BACH1: variants seen among roughly 807,000 people sequenced by gnomAD.
BACH1 encodes transcription regulator protein BACH1.
In BACH1, 35 loss-of-function variants were observed where a neutral mutation model predicts 52.9. The observed-to-expected ratio is 0.66, with a 90% CI of 0.51 to 0.88. The LOEUF is 0.88. Ranked by LOEUF, BACH1 falls within the 40% of genes least tolerant of loss-of-function variation. The pLI, the probability that BACH1 is intolerant of heterozygous loss-of-function variation, is 0.00. For missense variants in BACH1, 808 were observed against 872.6 expected (o/e 0.93, Z 0.93); for synonymous variants, 321 against 319.6 (o/e 1.00, Z -0.05).
rs2088993188 is a variant in BACH1 at position 29,332,255 on chromosome 21, G to C, written c.1776+2562G>C. Among the ~76,000 whole-genome samples the C allele has an allele frequency of 2.6e-5, 4 of 152,176 alleles. No homozygotes were observed. In the South Asian group the frequency reaches 6.2e-4, roughly 24 times the overall value. Reference sequence around the variant, plus strand: ...GGTCTCCATTTTCCCTTTCTTAATTGACCTTCTTCCTAATGTCTCTGCCTA... The same window carrying C: ...GGTCTCCATTTTCCCTTTCTTAATTCACCTTCTTCCTAATGTCTCTGCCTA... On this transcript the variant is annotated intron_variant, in intron 4 of 4. Transcript: ENST00000286800.
chr21:29,319,417 G>A (rs2088823694), intron 1 of BACH1, among the ~76,000 whole-genome samples: 2 of 151,912 alleles, frequency 1.3e-5, no homozygotes, highest in African/African-American at 4.8e-5. Context: ...TAGGAGGACT[G>A]TTTTTTCTGA....
At chr21:29,338,436 C>T (rs2089071030) in intron 4 of BACH1, among the ~76,000 whole-genome samples, 1 of 152,138 alleles carries the variant, frequency 6.6e-6, no homozygotes, top group African/African-American at 2.4e-5. Flanking sequence ...TGCAGTGGCA[C>T]AGTCATGACT....
chr21:29,323,449 C>T (rs191405967), intron 2 of BACH1, among the ~76,000 whole-genome samples: 9 of 152,280 alleles, frequency 5.9e-5, no homozygotes, highest in African/African-American at 1.4e-4. Flanking sequence ...AAGAACCTGG[C>T]GTCTGATGTC....
downstream of BACH1, among the ~76,000 whole-genome samples, chr21:29,349,785 C>T (rs1449814070): frequency 6.6e-6 from 1 of 152,136 alleles, no homozygotes; most frequent in Admixed American, 6.5e-5. Context: ...CAGCTGCTGT[C>T]TTGGCTGGGG....
chr21:29,336,046 A>G (rs1018363007), intron 4 of BACH1, among the ~76,000 whole-genome samples: 5 of 152,320 alleles, frequency 3.3e-5, no homozygotes, highest in South Asian at 2.1e-4. Flanking sequence ...TTTTTATTCA[A>G]ATTACTCTGA....
chr21:29,326,803 C>T lies in BACH1; in HGVS notation c.979C>T (p.His327Tyr), dbSNP rs1410365995. ...TGGACTTTATTCTTTGTCTCTTTTACACACATATGACCAATATGGTGACTT... is the reference window on the plus strand; with the variant it reads ...TGGACTTTATTCTTTGTCTCTTTTATACACATATGACCAATATGGTGACTT... ...PHGLYSLSLL[H>Y]TYDQYGDLNF... Residue 327 changes from histidine to tyrosine, a missense_variant, in exon 3 of 5, where the codon CAC becomes TAC. Transcript: ENST00000286800. 6.2e-7 allele frequency: 1 copy of T among 1,614,034 alleles called. No homozygotes were observed. The highest frequency in any genetic ancestry group is 2.2e-5 in the East Asian group (1 of 44,904).
At chr21:29,348,951 G>A (rs574015810), downstream of BACH1, among the ~76,000 whole-genome samples, 142 of 152,080 alleles carry the variant, frequency 9.3e-4, no homozygotes, top group African/African-American at 3.2e-3. Context: ...AAAATTAGCC[G>A]GGCGTGGTGG....
chr21:29,358,803 AAAGAAAGAAAG>A (rs1466295345), intron 2 of BACH1, among the ~76,000 whole-genome samples: 7 of 132,096 alleles, frequency 5.3e-5, no homozygotes, highest in African/African-American at 1.5e-4. Flanking sequence ...AGAAAGAAAG[AAAGAAAGAAAG>A]AAGAAAGAAA....
intron 4 of BACH1, among the ~76,000 whole-genome samples, chr21:29,332,813 G>T (rs543417974): frequency 6.6e-6 from 1 of 152,292 alleles, no homozygotes; most frequent in South Asian, 2.1e-4. Flanking sequence ...ATTCACTCAG[G>T]TATCCTCTTC....
At position 29,326,745 on chromosome 21, in the gene BACH1, T is replaced by A. The variant is rs1601355466; in HGVS notation, c.921T>A (p.Thr307=). Residue 307 remains threonine (T), a synonymous_variant, in exon 3 of 5, where the codon ACT becomes ACA. Transcript: ENST00000286800. ...GCCCAACTGAAAAATCAGAAGTGAC[T>A]CCTTTCCCCCACAATTCTTCCATAG... ...SQCPTEKSEV[T]PFPHNSSIDP... 6.2e-7 allele frequency: 1 copy of A among 1,614,040 alleles called. No individual in the cohort carries two copies. Among genetic ancestry groups the A allele is most frequent in the East Asian group, 2.2e-5 (1 of 44,890 alleles).
Position 29,321,298 on chromosome 21 carries a change from C to T in BACH1, c.18C>T (p.Asn6=). Residue 6 remains asparagine, a synonymous_variant, in exon 2 of 5, where the codon AAC becomes AAT. Coordinates refer to ENST00000286800, the MANE Select transcript of BACH1 (RefSeq NM_001186.4). ...TATGCAGAATGTCTCTGAGTGAGAA[C>T]TCGGTTTTTGCCTATGAATCTTCTG... is the stretch of plus-strand genomic sequence containing the variant. MSLSE[N]SVFAYESSVH... 1 of 1,613,828 alleles carries T rather than the reference C, an allele frequency of 6.2e-7. No individual in the cohort carries two copies. Among genetic ancestry groups the T allele is most frequent in the Non-Finnish European group, 8.5e-7 (1 of 1,179,794 alleles).
chr21:29,329,765 A>G (rs1203867153), intron 4 of BACH1, 72 bp downstream of exon 4: 1 of 1,194,266 alleles, frequency 8.4e-7, no homozygotes, highest in Non-Finnish European at 1.1e-6. Context: ...TAGTTTTTAA[A>G]TTTCTAGGTC....
intron 1 of BACH1, among the ~76,000 whole-genome samples, chr21:29,308,315 C>T (rs2088681474): frequency 6.6e-6 from 1 of 152,088 alleles, no homozygotes; most frequent in South Asian, 2.1e-4. Flanking sequence ...GAAACTGTGG[C>T]CCTACGGTGG....
chr21:29,305,661 GAAAA>G (rs1352237250), intron 1 of BACH1, among the ~76,000 whole-genome samples: 2 of 152,148 alleles, frequency 1.3e-5, no homozygotes, highest in East Asian at 3.9e-4. Flanking sequence ...GAAGAGTGAG[GAAAA>G]ACTGTGTTTT....
In BACH1 at chr21:29,321,111, G is replaced by GT. The variant is rs558228761; in HGVS notation, c.-60-104dup. The GT allele has an allele frequency of 4.7e-4, 288 of 610,132 alleles. 1 individual carries two copies. In the South Asian group the frequency reaches 6.0e-3, roughly 13 times the overall value. The allele number at this position is 610,132 out of a possible 1,614,324, so 37.8% of individuals were successfully genotyped here. A position where few individuals can be genotyped will look rare whatever the true frequency, so the allele number is the denominator to read the frequency against. ...ATGCCTCTAGGTTGTTCCTCTGGAG[G>GT]TTTTTTATTTTCATTTTTGTTTTAA... On this transcript the variant is annotated intron_variant, in intron 1 of 4. Transcript: ENST00000286800.
chr21:29,352,305 C>T (rs1051067644), intron 2 of BACH1, among the ~76,000 whole-genome samples: 15 of 152,110 alleles, frequency 9.9e-5, no homozygotes, highest in African/African-American at 1.9e-4. Context: ...CCGCCCGCCT[C>T]GGCCTCCCAA....
chr21:29,299,530 A>G (rs2088579910), intron 1 of BACH1: 3 of 152,220 alleles, frequency 2.0e-5, no homozygotes, highest in Non-Finnish European at 4.4e-5. Flanking sequence ...GGTTTTGGGG[A>G]CCGGAGAGCC....
chr21:29,323,342 A>C, intron 2 of BACH1, among the ~76,000 whole-genome samples: 1 of 152,180 alleles, frequency 6.6e-6, no homozygotes, highest in Admixed American at 6.5e-5. Context: ...AAGGCCTCAA[A>C]AGTAGGGAAG....
intron 4 of BACH1, among the ~76,000 whole-genome samples, chr21:29,333,979 A>G (rs571382111): frequency 6.6e-6 from 1 of 152,310 alleles, no homozygotes; most frequent in Admixed American, 6.5e-5. Context: ...TTTAGCATTT[A>G]TTTTGAATTT....
Sources: gnomAD v4.1 joint callset for allele counts (sites outside exome capture counted in the v4.1 genomes callset) on GRCh38, gnomAD v4.1.1 for gene constraint, MANE v1.5 for transcripts, NCBI Gene and HGNC (gene_info 2026-07-23, HGNC 2026-07-21) for gene names.